The following SLC24A2 variants were observed in gnomAD, a reference collection of about 807,000 sequenced individuals.
The protein encoded by SLC24A2 is solute carrier family 24 member 2.
Under a neutral mutation model 62.0 loss-of-function variants are expected in SLC24A2, and 36 were observed. The ratio of observed to expected loss-of-function variants is 0.58; its 90% CI spans 0.44 to 0.77. The LOEUF (loss-of-function observed/expected upper bound fraction) is 0.77. SLC24A2 is among the 30% of genes least tolerant of loss of function. The pLI, the probability that SLC24A2 is intolerant of heterozygous loss-of-function variation, is 0.00. For synonymous variants in SLC24A2, 358 were observed against 294.0 expected (o/e 1.22, Z -2.23); for missense variants, 846 against 817.9 (o/e 1.03, Z -0.42).
intron 2 of SLC24A2, among the ~76,000 whole-genome samples, chr9:19,643,704 A>T (rs1818566287): frequency 6.6e-6 from 1 of 152,218 alleles, no homozygotes; most frequent in African/African-American, 2.4e-5. Context: ...ACATCTGTGT[A>T]TGCCTCTCCA....
At chr9:20,181,009 T>A in the SLC24A2 span, among the ~76,000 whole-genome samples, 2 of 152,160 alleles carry the variant, frequency 1.3e-5, no homozygotes, top group Non-Finnish European at 2.9e-5. Context: ...GAGCCCCTCC[T>A]GCCACCTTCA....
chr9:19,640,792 G>C (rs1342765195), intron 2 of SLC24A2, among the ~76,000 whole-genome samples: 1 of 152,116 alleles, frequency 6.6e-6, no homozygotes, highest in Non-Finnish European at 1.5e-5. Context: ...GCTGTAGTTT[G>C]CTAATTTGTT....
intron 8 of SLC24A2, among the ~76,000 whole-genome samples, chr9:19,533,722 A>G (rs1001730664): frequency 2.0e-5 from 3 of 152,172 alleles, no homozygotes; most frequent in African/African-American, 7.2e-5. Flanking sequence ...GCACAACCCA[A>G]ATTGCCAATT....
At chr9:20,236,464 G>T in the SLC24A2 span, among the ~76,000 whole-genome samples, 1 of 152,148 alleles carries the variant, frequency 6.6e-6, no homozygotes, top group Admixed American at 6.5e-5. Flanking sequence ...CATTCCATTT[G>T]TATTGGCTAG....
the SLC24A2 span, among the ~76,000 whole-genome samples, chr9:20,261,269 C>G: frequency 2.0e-5 from 3 of 152,054 alleles, no homozygotes; most frequent in Admixed American, 6.5e-5. Flanking sequence ...GAATAATTGA[C>G]AGACTTCATA....
chr9:20,262,410 T>C, the SLC24A2 span, among the ~76,000 whole-genome samples: 1 of 152,220 alleles, frequency 6.6e-6, no homozygotes, highest in Admixed American at 6.5e-5. Flanking sequence ...GCCTAGCACA[T>C]TGCCCAATAA....
the SLC24A2 span, among the ~76,000 whole-genome samples, chr9:19,932,774 T>G: frequency 1.3e-5 from 2 of 152,160 alleles, no homozygotes. Flanking sequence ...TGTGCATAGG[T>G]CCTTTCCTAT....
chr9:19,608,781 C>CACACACACACAT (rs1317884600), intron 4 of SLC24A2, among the ~76,000 whole-genome samples: 2 of 151,308 alleles, frequency 1.3e-5, no homozygotes, highest in African/African-American at 4.9e-5. Flanking sequence ...CTCTCTCTCA[C>CACACACACACAT]ACACACACAC....
At chr9:20,230,486 G>A in the SLC24A2 span, among the ~76,000 whole-genome samples, 1 of 152,186 alleles carries the variant, frequency 6.6e-6, no homozygotes, top group East Asian at 1.9e-4. Flanking sequence ...GATGGCCAGT[G>A]ATGATGACCA....
At chr9:19,969,039 A>C in the SLC24A2 span, among the ~76,000 whole-genome samples, 1 of 152,230 alleles carries the variant, frequency 6.6e-6, no homozygotes, top group East Asian at 1.9e-4. Flanking sequence ...TTTTCTTTCC[A>C]GTGTTTATAA....
the SLC24A2 span, among the ~76,000 whole-genome samples, chr9:19,868,670 T>A: frequency 6.6e-6 from 1 of 152,224 alleles, no homozygotes; most frequent in Non-Finnish European, 1.5e-5. Flanking sequence ...TATATATTTA[T>A]AATTGCTATA....
chr9:20,260,126 G>A, the SLC24A2 span, among the ~76,000 whole-genome samples: 1 of 152,120 alleles, frequency 6.6e-6, no homozygotes, highest in Non-Finnish European at 1.5e-5. Context: ...GCCTTTAAGA[G>A]GCAATTAGAC....
chr9:19,613,749 C>T lies in SLC24A2; in HGVS notation c.1078+5835G>A, dbSNP rs10116209. 6.7e-3 allele frequency among the ~76,000 whole-genome samples: 1,013 copies of T among 152,260 alleles called. 9 individuals carry two copies. Among genetic ancestry groups the T allele is most frequent in the African/African-American group, 0.022 (930 of 41,552 alleles). On this transcript the variant is annotated intron_variant, in intron 4 of 10. Transcript: ENST00000341998. ...TAAGCTGGTGTCTACACCAGGAGAA[C>T]AAGGAATGCTGGGTTGGACATGGGG...
intron 10 of SLC24A2, among the ~76,000 whole-genome samples, chr9:19,517,390 G>A (rs1003864663): frequency 3.9e-5 from 6 of 152,194 alleles, no homozygotes; most frequent in Non-Finnish European, 1.5e-5. Context: ...CAGGGTGTGG[G>A]AAGAGGAGGT....
At chr9:19,561,317 GTGAA>G (rs1835388557) in intron 7 of SLC24A2, among the ~76,000 whole-genome samples, 1 of 149,836 alleles carries the variant, frequency 6.7e-6, no homozygotes, top group Admixed American at 6.6e-5. Flanking sequence ...CATAAGATAA[GTGAA>G]AAAGAGGTAA....
the SLC24A2 span, among the ~76,000 whole-genome samples, chr9:20,119,776 AG>A: frequency 6.6e-6 from 1 of 152,222 alleles, no homozygotes; most frequent in African/African-American, 2.4e-5. Context: ...AAATCAAAAA[AG>A]TAATAGTCAT....
chr9:20,286,173 G>C, the SLC24A2 span, among the ~76,000 whole-genome samples: 3 of 152,156 alleles, frequency 2.0e-5, no homozygotes, highest in African/African-American at 7.2e-5. Flanking sequence ...TCCAGAGGTG[G>C]GTGCGCATAT....
chr9:20,120,264 G>A, the SLC24A2 span, among the ~76,000 whole-genome samples: 1 of 152,020 alleles, frequency 6.6e-6, no homozygotes, highest in Non-Finnish European at 1.5e-5. Flanking sequence ...CTATTAAGAA[G>A]CTTTGCCTCT....
rs1554690397 is a variant in SLC24A2, at chr9:19,636,325, T to TTC, written c.931-14028_931-14027dup. ...TTTTCTTTTCTTTTCTTTTCTTTCT[T>TTC]TCTTTCTTTCTTTCTTTCTTTCTTT... On this transcript the variant is annotated intron_variant, in intron 2 of 10. Transcript: ENST00000341998. Among the ~76,000 whole-genome samples, 3 of 21,906 alleles carry TTC rather than the reference T, an allele frequency of 1.4e-4. 1 individual carries two copies. The highest frequency in any genetic ancestry group is 7.0e-4 in the African/African-American group (3 of 4,314). 14.4% of individuals were successfully genotyped at this position (21,906 alleles called of 152,430 possible). A position where few individuals can be genotyped will look rare whatever the true frequency, so the allele number is the denominator to read the frequency against.
Sources: allele counts gnomAD v4.1 joint callset (sites outside exome capture counted in the v4.1 genomes callset), GRCh38; gene constraint gnomAD v4.1.1; transcripts MANE v1.5; gene names NCBI Gene and HGNC (gene_info 2026-07-23, HGNC 2026-07-21).